Variants in ADCK2 observed in about 807,000 individuals in gnomAD.
ADCK2 encodes aarF domain containing kinase 2.
Under a neutral mutation model 52.3 loss-of-function variants are expected in ADCK2, and 37 were observed. The ratio of observed to expected loss-of-function variants is 0.71; its 90% CI spans 0.54 to 0.93. ADCK2 has a LOEUF of 0.93. Among genes scored for constraint, ADCK2 ranks in the 40% least tolerant of loss-of-function variants. The pLI is 0.00. For synonymous variants in ADCK2, 321 were observed against 349.2 expected, an observed-to-expected ratio of 0.92 and a Z score of 0.90; for missense variants, 695 against 798.7, an observed-to-expected ratio of 0.87 and a Z score of 1.56.
At chr7:140,683,413 C>A (rs1330832185) in intron 4 of ADCK2, among the ~76,000 whole-genome samples, 1 of 152,148 alleles carries the variant, frequency 6.6e-6, no homozygotes, top group Non-Finnish European at 1.5e-5. Context: ...GCAGGGGAGT[C>A]AGAAGGTGGA....
Position 140,673,824 on chromosome 7 carries a change from C to T in ADCK2, c.494C>T (p.Ala165Val), listed in dbSNP as rs1460284301. The change falls in exon 1 of 8, where the codon GCC becomes GTC. Residue 165 changes from alanine to valine, a missense_variant. Coordinates refer to ENST00000072869, the MANE Select transcript of ADCK2 (RefSeq NM_052853.4). This position sits in a 1 kb window ranked among gnomAD's most constrained non-coding sequence, Gnocchi z 6.4. Reference protein sequence around the residue: ...RRDLFSEAFCAQFSKLHVRVT... With the variant: ...RRDLFSEAFCVQFSKLHVRVT... The stretch of plus-strand genomic sequence containing the variant: ...GATCTGTTTTCGGAGGCTTTCTGTG[C>T]CCAATTTTCCAAGCTGCATGTCCGA... 2.5e-6 allele frequency: 4 copies of T among 1,613,882 alleles called. No homozygotes were observed. Among genetic ancestry groups the T allele is most frequent in the Non-Finnish European group, 3.4e-6 (4 of 1,180,038 alleles).
rs978634969 is a variant in ADCK2, at chr7:140,678,771, G to A, written c.1081-384G>A. ...TGAAGGGGTAGCCCTGTGTGGAAGC[G>A]CCCACAGCACGCTGGCCCTAATGGA... On this transcript the variant is annotated intron_variant, in intron 2 of 7. Coordinates refer to ENST00000072869, the MANE Select transcript of ADCK2 (RefSeq NM_052853.4). The surrounding 1 kb of genome is among the most constrained non-coding windows in gnomAD (Gnocchi z 4.9). Among the ~76,000 whole-genome samples, 18 of 152,182 alleles carry A rather than the reference G, an allele frequency of 1.2e-4. No individual in the cohort carries two copies. The highest frequency in any genetic ancestry group is 2.1e-4 in the Non-Finnish European group (14 of 68,030).
At chr7:140,682,429 G>C (rs1794532484) in intron 4 of ADCK2, among the ~76,000 whole-genome samples, 3 of 152,242 alleles carry the variant, frequency 2.0e-5, no homozygotes, top group African/African-American at 7.2e-5. Context: ...GTATGGCTTG[G>C]AAGAGAGTTT....
chr7:140,682,408 G>A (rs1303524523), intron 4 of ADCK2, among the ~76,000 whole-genome samples: 2 of 152,116 alleles, frequency 1.3e-5, no homozygotes, highest in African/African-American at 4.8e-5. Flanking sequence ...TTGGAGAGAC[G>A]AAAGCACTTA....
intron 4 of ADCK2, among the ~76,000 whole-genome samples, chr7:140,685,848 T>G (rs1794596890): frequency 6.6e-6 from 1 of 152,016 alleles, no homozygotes; most frequent in Admixed American, 6.6e-5. Context: ...ACCTCCGAGA[T>G]GACCGGTTAT....
intron 6 of ADCK2, 146 bp from the exon 7 acceptor site, chr7:140,690,614 G>T (rs1794687707): frequency 7.7e-6 from 5 of 646,718 alleles, no homozygotes; most frequent in Non-Finnish European, 1.3e-5. Context: ...GAGTTTGTCA[G>T]ATGGTCCCTT....
rs145231926 is a variant in ADCK2 at position 140,673,623 on chromosome 7, G to C, written c.293G>C (p.Arg98Pro). ...GPLGGVFLHL[R>P]LWLRAGALLV... ...CTGGGCGGCGTCTTCCTGCATCTCC[G>C]CCTCTGGCTTCGCGCCGGCGCTCTG... is the stretch of plus-strand genomic sequence containing the variant. The change falls in exon 1 of 8, where the codon CGC (arginine) becomes CCC (proline). Residue 98 changes from arginine (R) to proline (P), a missense_variant. Physicochemically the swap from Arg to Pro is moderately radical, Grantham distance 103. Coordinates refer to ENST00000072869, the MANE Select transcript of ADCK2 (RefSeq NM_052853.4). The surrounding 1 kb of genome is among the most constrained non-coding windows in gnomAD (Gnocchi z 6.4). 1.2e-6 allele frequency: 2 copies of C among 1,609,312 alleles called. No homozygotes were observed. Among genetic ancestry groups the C allele is most frequent in the African/African-American group, 1.3e-5 (1 of 74,898 alleles).
At chr7:140,689,238 G>C (rs1794661059) in intron 5 of ADCK2, among the ~76,000 whole-genome samples, 1 of 151,986 alleles carries the variant, frequency 6.6e-6, no homozygotes, top group Admixed American at 6.6e-5. Context: ...AAAATGCTGG[G>C]ATTACATGTG....
chr7:140,692,619 G>A (rs574998606), intron 7 of ADCK2, among the ~76,000 whole-genome samples: 1 of 152,292 alleles, frequency 6.6e-6, no homozygotes, highest in South Asian at 2.1e-4. Context: ...TTGGCCTCCC[G>A]AAGTGCTGCG....
intron 2 of ADCK2, among the ~76,000 whole-genome samples, chr7:140,675,900 C>G (rs996275107): frequency 6.6e-6 from 1 of 152,100 alleles, no homozygotes; most frequent in Non-Finnish European, 1.5e-5. Flanking sequence ...CTGGGGTGGT[C>G]GGGGCTCCAC....
At chr7:140,684,210 C>T (rs1020865477) in intron 4 of ADCK2, among the ~76,000 whole-genome samples, 1 of 152,076 alleles carries the variant, frequency 6.6e-6, no homozygotes, top group African/African-American at 2.4e-5. Flanking sequence ...TAGCTCAGGG[C>T]AGAGAGGAGT....
chr7:140,680,150 A>G (rs74375974), intron 3 of ADCK2, among the ~76,000 whole-genome samples: 2 of 141,548 alleles, frequency 1.4e-5, no homozygotes, highest in African/African-American at 2.6e-5. Flanking sequence ...TGTTTTGACA[A>G]TTTTTTTTTT....
At chr7:140,688,620 G>A (rs561574808) in intron 5 of ADCK2, among the ~76,000 whole-genome samples, 1 of 152,332 alleles carries the variant, frequency 6.6e-6, no homozygotes, top group South Asian at 2.1e-4. Flanking sequence ...AGGAATGCTG[G>A]CTTCTTGACC....
chr7:140,679,065 A>G (rs1794471125), intron 2 of ADCK2, 90 bp from the exon 3 acceptor site: 2 of 1,500,320 alleles, frequency 1.3e-6, no homozygotes, highest in Non-Finnish European at 1.8e-6. Flanking sequence ...GGTGGGGTGG[A>G]TCTCATGACT....
At position 140,674,667 on chromosome 7, in the gene ADCK2, T is replaced by G. The variant is rs551500242; in HGVS notation, c.990T>G (p.Ile330Met). Reference protein sequence around the residue: ...QVHMDLLLMKIGSRVLGVLPG... With the variant: ...QVHMDLLLMKMGSRVLGVLPG... ...ATATGGACCTGCTGCTGATGAAGAT[T>G]GGCAGCCGAGTCCTGGGAGTTTTGC... The change falls in exon 2 of 8, where the codon ATT becomes ATG. Residue 330 changes from isoleucine (I) to methionine (M), a missense_variant. Transcript: ENST00000072869. The surrounding 1 kb of genome is among the most constrained non-coding windows in gnomAD (Gnocchi z 4.6). 8.7e-6 allele frequency: 14 copies of G among 1,614,160 alleles called. No homozygotes were observed. The Admixed American group carries it at 1.2e-4, about 13-fold the overall frequency.
chr7:140,687,653 G>A (rs1295668175), intron 5 of ADCK2, among the ~76,000 whole-genome samples: 1 of 151,968 alleles, frequency 6.6e-6, no homozygotes, highest in African/African-American at 2.4e-5. Context: ...GGCATAGGTC[G>A]CAGTGAGCTG....
chr7:140,684,666 C>T (rs1240062466), intron 4 of ADCK2, among the ~76,000 whole-genome samples: 2 of 152,158 alleles, frequency 1.3e-5, no homozygotes, highest in Admixed American at 6.5e-5. Flanking sequence ...GCAGCAGGGG[C>T]GCTCAGAGCA....
intron 2 of ADCK2, among the ~76,000 whole-genome samples, chr7:140,676,367 G>A (rs1010622105): frequency 1.7e-4 from 26 of 152,098 alleles, no homozygotes; most frequent in Non-Finnish European, 1.2e-4. Context: ...GGAATTTTGG[G>A]GGGACACAAA....
intron 4 of ADCK2, among the ~76,000 whole-genome samples, chr7:140,683,867 G>A (rs1367290918): frequency 6.6e-6 from 1 of 152,196 alleles, no homozygotes; most frequent in South Asian, 2.1e-4. Context: ...CTGGGCTGGA[G>A]GGATGGAGAA....
Sources: gnomAD v4.1 joint callset for allele counts (sites outside exome capture counted in the v4.1 genomes callset) on GRCh38, gnomAD v4.1.1 for gene constraint, Gnocchi (gnomAD v3.1) non-coding constraint, MANE v1.5 for transcripts, NCBI Gene and HGNC (gene_info 2026-07-23, HGNC 2026-07-21) for gene names.